Variants in CPNE4 observed in about 807,000 individuals in gnomAD.
CPNE4 encodes copine 4.
In CPNE4, 25 loss-of-function variants were observed where a neutral mutation model predicts 67.9. The observed-to-expected ratio is 0.37, with a 90% CI of 0.27 to 0.51. CPNE4 has a LOEUF of 0.51. CPNE4 is among the 20% of genes least tolerant of loss of function. The pLI is 0.93. For missense variants in CPNE4, 464 were observed against 690.8 expected, an observed-to-expected ratio of 0.67 and a Z score of 3.68; for synonymous variants, 242 against 244.9, an observed-to-expected ratio of 0.99 and a Z score of 0.11.
intron 7 of CPNE4, among the ~76,000 whole-genome samples, chr3:131,591,029 T>C (rs1271138596): frequency 6.6e-6 from 1 of 152,196 alleles, no homozygotes; most frequent in Non-Finnish European, 1.5e-5. Flanking sequence ...ATCATCACAT[T>C]GTAGAACACT....
At chr3:131,586,263 T>C (rs1265811720) in intron 8 of CPNE4, among the ~76,000 whole-genome samples, 1 of 152,164 alleles carries the variant, frequency 6.6e-6, no homozygotes, top group Non-Finnish European at 1.5e-5. Context: ...GCAGGTGTCT[T>C]GGGTTGAGTT....
At chr3:131,942,511 AGAG>A (rs1180995596) in intron 1 of CPNE4, among the ~76,000 whole-genome samples, 8 of 105,550 alleles carry the variant, frequency 7.6e-5, no homozygotes, top group African/African-American at 3.0e-4. Flanking sequence ...AGAGAGAGAG[AGAG>A]ATCATTTTAT....
chr3:131,941,345 G>T (rs1358437211), intron 1 of CPNE4, among the ~76,000 whole-genome samples: 2 of 151,982 alleles, frequency 1.3e-5, no homozygotes, highest in East Asian at 1.9e-4. Flanking sequence ...AGTAAGGAAA[G>T]AAATATTATA....
At chr3:131,875,649 A>G (rs1305301639) in intron 2 of CPNE4, among the ~76,000 whole-genome samples, 2 of 143,814 alleles carry the variant, frequency 1.4e-5, no homozygotes, top group Non-Finnish European at 3.1e-5. Flanking sequence ...CATGGACACA[A>G]GAAGGGGAAC....
chr3:131,799,389 G>A (rs1284348127), intron 2 of CPNE4, among the ~76,000 whole-genome samples: 1 of 152,086 alleles, frequency 6.6e-6, no homozygotes, highest in Non-Finnish European at 1.5e-5. Flanking sequence ...TCACGGGCCT[G>A]CAAGAGTGTA....
At chr3:131,561,981 A>T (rs1201655915) in intron 11 of CPNE4, among the ~76,000 whole-genome samples, 3 of 151,948 alleles carry the variant, frequency 2.0e-5, no homozygotes, top group African/African-American at 7.3e-5. Context: ...TTTAATGTTG[A>T]GCTGCTTTCT....
At chr3:131,879,484 C>G (rs2087584368) in intron 2 of CPNE4, among the ~76,000 whole-genome samples, 1 of 152,176 alleles carries the variant, frequency 6.6e-6, no homozygotes, top group Non-Finnish European at 1.5e-5. Flanking sequence ...AAGGCTGTAT[C>G]AGGGTTATTC....
intron 2 of CPNE4, among the ~76,000 whole-genome samples, chr3:131,755,667 A>T (rs543402353): frequency 3.0e-4 from 45 of 152,330 alleles, no homozygotes; most frequent in African/African-American, 1.0e-3. Flanking sequence ...GCCAGGCATC[A>T]GATCTAGTCA....
intron 2 of CPNE4, among the ~76,000 whole-genome samples, chr3:131,816,537 C>T (rs988545920): frequency 7.9e-5 from 12 of 152,218 alleles, no homozygotes; most frequent in Admixed American, 2.0e-4. Context: ...GAGTTAGATT[C>T]GAATCCCCAC....
In CPNE4 at chr3:131,543,148, G is replaced by A. The variant is rs374211445; in HGVS notation, c.1303-355C>T. The stretch of plus-strand genomic sequence containing the variant: ...GAGCTTCTTCATTTCTCAAATGAGG[G>A]GTGGGACCCAATAATTTATATGATC... On this transcript the variant is annotated intron_variant, in intron 14 of 15. Coordinates refer to ENST00000429747, the MANE Select transcript of CPNE4 (RefSeq NM_130808.3). The A allele has an allele frequency of 1.2e-4, 23 of 192,546 alleles. No homozygotes were observed. The East Asian group carries it at 2.5e-3, about 21-fold the overall frequency. The allele number at this position is 192,546 out of a possible 1,614,324, so 11.9% of individuals were successfully genotyped here. A position where few individuals can be genotyped will look rare whatever the true frequency, so the allele number is the denominator to read the frequency against.
chr3:131,766,770 T>C (rs1200350686), intron 2 of CPNE4, among the ~76,000 whole-genome samples: 1 of 152,152 alleles, frequency 6.6e-6, no homozygotes, highest in East Asian at 1.9e-4. Flanking sequence ...TGTAATGAAA[T>C]CGCAAGTCAC....
intron 6 of CPNE4, among the ~76,000 whole-genome samples, chr3:131,676,853 GT>G (rs760465668): frequency 7.2e-5 from 11 of 152,060 alleles, no homozygotes; most frequent in Non-Finnish European, 1.3e-4. Context: ...ACGTGTGCAT[GT>G]ATGTTTATAA....
At chr3:131,917,138 T>C (rs748966856) in intron 1 of CPNE4, among the ~76,000 whole-genome samples, 2 of 152,182 alleles carry the variant, frequency 1.3e-5, no homozygotes, top group South Asian at 2.1e-4. Context: ...TGGCAACTCA[T>C]GAGGAAAGAC....
rs536814253 is a variant in CPNE4, at chr3:131,902,782, T to C, written c.180+2482A>G. 8.5e-5 allele frequency among the ~76,000 whole-genome samples: 13 copies of C among 152,188 alleles called. No homozygotes were observed. The East Asian group carries it at 1.4e-3, about 16-fold the overall frequency. On this transcript the variant is annotated intron_variant, in intron 2 of 15. Transcript: ENST00000429747. ...TTTCTTGCCTGTAATTTCCAAGGAG[T>C]TACTTTTTTATAATGTAGGCATTCC...
At chr3:131,630,031 G>T (rs1260695717) in intron 7 of CPNE4, among the ~76,000 whole-genome samples, 4 of 152,092 alleles carry the variant, frequency 2.6e-5, no homozygotes. Context: ...TATATGATGA[G>T]AAGAAGTGAG....
At chr3:131,603,058 T>C (rs563400165) in intron 7 of CPNE4, among the ~76,000 whole-genome samples, 1 of 152,158 alleles carries the variant, frequency 6.6e-6, no homozygotes, top group Non-Finnish European at 1.5e-5. Context: ...TTTAGGACTC[T>C]CTGTCTCTAT....
intron 1 of CPNE4, among the ~76,000 whole-genome samples, chr3:131,957,033 GT>G (rs1413555908): frequency 6.6e-6 from 1 of 152,148 alleles, no homozygotes; most frequent in Non-Finnish European, 1.5e-5. Context: ...TCAGGATGAG[GT>G]GTTAGATCAT....
Position 132,016,091 on chromosome 3 carries a change from G to A in CPNE4, c.-2+18476C>T, listed in dbSNP as rs1304034582. Reference sequence around the variant, plus strand: ...GACTATATAATTGGACCATGTAAAAGACAAGATAACTTCTAAGATTCTTTC... The same window carrying A: ...GACTATATAATTGGACCATGTAAAAAACAAGATAACTTCTAAGATTCTTTC... On this transcript the variant is annotated intron_variant, in intron 1 of 15. Coordinates refer to ENST00000429747, the MANE Select transcript of CPNE4 (RefSeq NM_130808.3). 2.0e-5 allele frequency among the ~76,000 whole-genome samples: 3 copies of A among 152,130 alleles called. No individual in the cohort carries two copies. In the East Asian group the frequency reaches 5.8e-4, roughly 29 times the overall value.
At chr3:131,631,749 A>G (rs2079226772) in intron 7 of CPNE4, among the ~76,000 whole-genome samples, 1 of 151,674 alleles carries the variant, frequency 6.6e-6, no homozygotes, top group African/African-American at 2.4e-5. Flanking sequence ...TGTGTGGGGG[A>G]AATGTAGGAG....
Sources: allele counts gnomAD v4.1 joint callset (sites outside exome capture counted in the v4.1 genomes callset), GRCh38; gene constraint gnomAD v4.1.1; transcripts MANE v1.5; gene names NCBI Gene and HGNC (gene_info 2026-07-23, HGNC 2026-07-21).